LRP6: variants seen among roughly 807,000 people sequenced by gnomAD.
LRP6 encodes LDL receptor related protein 6.
In LRP6, 43 loss-of-function variants were observed where a neutral mutation model predicts 184.1. The ratio of observed to expected loss-of-function variants is 0.23; its 90% CI spans 0.18 to 0.30. LRP6 has a LOEUF of 0.30. Ranked by LOEUF, LRP6 falls within the 10% of genes least tolerant of loss-of-function variation. LRP6 has a pLI of 1.00. For synonymous variants in LRP6, 719 were observed against 684.9 expected, an observed-to-expected ratio of 1.05 and a Z score of -0.78; for missense variants, 1,571 against 2,005.3, an observed-to-expected ratio of 0.78 and a Z score of 4.14.
intron 3 of LRP6, among the ~76,000 whole-genome samples, chr12:12,200,755 G>A (rs1372087004): frequency 6.6e-6 from 1 of 152,058 alleles, no homozygotes; most frequent in Non-Finnish European, 1.5e-5. Context: ...TACACATTTT[G>A]CTTCATAAAG....
At chr12:12,263,159 G>A (rs1865663483) in intron 1 of LRP6, among the ~76,000 whole-genome samples, 1 of 151,812 alleles carries the variant, frequency 6.6e-6, no homozygotes, top group African/African-American at 2.4e-5. Flanking sequence ...CAGCTACTCA[G>A]GAGGTTGAGG....
intron 6 of LRP6, 70 bp downstream of exon 6, chr12:12,180,973 G>T: frequency 6.5e-7 from 1 of 1,533,756 alleles, no homozygotes; most frequent in Non-Finnish European, 9.0e-7. Context: ...TGTTATCTTA[G>T]TCAATGTTTT....
In LRP6 at chr12:12,250,144, TC is replaced by T. The variant is rs1160638344; in HGVS notation, c.56-5490del. ...CTTTCCTTTTCTACTTCTAATACTTTCAGTTTAGCCAACTCAAAAGCCATTC... is the reference window on the plus strand; with the variant it reads ...CTTTCCTTTTCTACTTCTAATACTTTAGTTTAGCCAACTCAAAAGCCATTC... On this transcript the variant is annotated intron_variant, in intron 1 of 22. Coordinates refer to ENST00000261349, the MANE Select transcript of LRP6 (RefSeq NM_002336.3). Among the ~76,000 whole-genome samples, 107 of 151,802 alleles carry T rather than the reference TC, an allele frequency of 7.0e-4. 1 individual carries two copies. The highest frequency in any genetic ancestry group is 2.5e-3 in the African/African-American group (104 of 41,028).
intron 12 of LRP6, among the ~76,000 whole-genome samples, chr12:12,156,139 T>G (rs569762036): frequency 6.6e-6 from 1 of 152,242 alleles, no homozygotes; most frequent in Admixed American, 6.5e-5. Context: ...AAAGAAAAAG[T>G]ACAGATAAGG....
chr12:12,149,564 G>T (rs1195069400), intron 13 of LRP6, among the ~76,000 whole-genome samples: 1 of 152,178 alleles, frequency 6.6e-6, no homozygotes, highest in East Asian at 1.9e-4. Context: ...AATGTATGAA[G>T]ACATTTTTTA....
intron 12 of LRP6, among the ~76,000 whole-genome samples, chr12:12,153,703 C>G (rs888197590): frequency 1.3e-5 from 2 of 152,200 alleles, no homozygotes; most frequent in Non-Finnish European, 2.9e-5. Context: ...ATTTATTAAA[C>G]TCTAACCACC....
At chr12:12,203,055 C>CT in intron 3 of LRP6, 148 bp downstream of exon 3, 1 of 604,710 alleles carries the variant, frequency 1.7e-6, no homozygotes, top group East Asian at 2.8e-5. Context: ...TTTTAAAGCA[C>CT]TTTTAAAGAG....
At chr12:12,184,878 A>G (rs1863431554) in intron 4 of LRP6, among the ~76,000 whole-genome samples, 1 of 152,212 alleles carries the variant, frequency 6.6e-6, no homozygotes. Flanking sequence ...AACAATACTC[A>G]TAGAAAAAAA....
At chr12:12,157,260 T>C (rs1360391885) in intron 12 of LRP6, among the ~76,000 whole-genome samples, 2 of 151,968 alleles carry the variant, frequency 1.3e-5, no homozygotes, top group Admixed American at 1.3e-4. Flanking sequence ...CACACAGAAC[T>C]CATTAACAAC....
intron 20 of LRP6, among the ~76,000 whole-genome samples, chr12:12,125,799 G>C (rs1049093804): frequency 3.3e-5 from 5 of 151,732 alleles, no homozygotes; most frequent in Non-Finnish European, 7.4e-5. Context: ...TTGCTCAAAA[G>C]AAAACAAAAA....
At chr12:12,236,247 T>C (rs557109773) in intron 2 of LRP6, among the ~76,000 whole-genome samples, 16 of 151,390 alleles carry the variant, frequency 1.1e-4, no homozygotes, top group East Asian at 5.8e-4. Flanking sequence ...AATAAATAAA[T>C]AAACAAACAA....
chr12:12,178,953 C>T (rs1324110752), intron 7 of LRP6, among the ~76,000 whole-genome samples: 1 of 152,186 alleles, frequency 6.6e-6, no homozygotes, highest in Admixed American at 6.5e-5. Context: ...ATTTTCTGTC[C>T]ATTAGATGTG....
chr12:12,123,523 T>C (rs1007895493), intron 22 of LRP6, among the ~76,000 whole-genome samples: 4 of 152,304 alleles, frequency 2.6e-5, no homozygotes, highest in Middle Eastern at 3.4e-3. Context: ...AATAGAAGAT[T>C]ATCTAGAGAG....
intron 3 of LRP6, among the ~76,000 whole-genome samples, chr12:12,188,059 A>C (rs1036175594): frequency 6.6e-6 from 1 of 152,004 alleles, no homozygotes; most frequent in Non-Finnish European, 1.5e-5. Context: ...AAAATACAAA[A>C]AAATTAGCCA....
intron 2 of LRP6, among the ~76,000 whole-genome samples, chr12:12,231,929 T>C (rs1008425851): frequency 1.3e-5 from 2 of 151,472 alleles, no homozygotes; most frequent in African/African-American, 4.9e-5. Context: ...ATGGGAGGAT[T>C]GCTTGAGCTT....
chr12:12,183,581 CATG>C (rs1863396552), intron 5 of LRP6, among the ~76,000 whole-genome samples: 1 of 152,116 alleles, frequency 6.6e-6, no homozygotes, highest in Non-Finnish European at 1.5e-5. Flanking sequence ...AAATATATCT[CATG>C]ATATTCTTTG....
intron 10 of LRP6, among the ~76,000 whole-genome samples, chr12:12,161,489 C>T (rs529374746): frequency 5.3e-5 from 8 of 152,216 alleles, no homozygotes; most frequent in East Asian, 3.9e-4. Flanking sequence ...AGGCTGGTCT[C>T]GAACTCCTGA....
At chr12:12,206,890 G>C (rs745805707) in intron 2 of LRP6, among the ~76,000 whole-genome samples, 6 of 151,844 alleles carry the variant, frequency 4.0e-5, no homozygotes, top group Non-Finnish European at 8.8e-5. Context: ...TCTTCCAATA[G>C]GCTCTGTGAG....
intron 9 of LRP6, among the ~76,000 whole-genome samples, chr12:12,162,916 A>T (rs1361254671): frequency 6.6e-6 from 1 of 152,196 alleles, no homozygotes; most frequent in Non-Finnish European, 1.5e-5. Context: ...GTATTATCCT[A>T]AGTACGTTTT....
Sources: allele counts gnomAD v4.1 joint callset (sites outside exome capture counted in the v4.1 genomes callset), GRCh38; gene constraint gnomAD v4.1.1; transcripts MANE v1.5; gene names NCBI Gene and HGNC (gene_info 2026-07-23, HGNC 2026-07-21).